Variants in GPC5 observed in about 807,000 individuals in gnomAD.
GPC5 encodes glypican 5.
GPC5 carries 47 observed loss-of-function variants against 53.9 expected under a neutral mutation model. The observed-to-expected ratio is 0.87, with a 90% CI of 0.69 to 1.11. The LOEUF (loss-of-function observed/expected upper bound fraction) is 1.11. GPC5 is among the 50% of genes most tolerant of loss of function. The pLI is 0.00. For synonymous variants in GPC5, 286 were observed against 263.3 expected (o/e 1.09, Z -0.84); for missense variants, 748 against 713.1 (o/e 1.05, Z -0.56).
chr13:91,520,604 G>A lies in GPC5; in HGVS notation c.325+71682G>A, dbSNP rs1055563684. 2.0e-4 allele frequency among the ~76,000 whole-genome samples: 30 copies of A among 151,892 alleles called. 1 individual carries two copies. In the South Asian group the frequency reaches 2.5e-3, roughly 13 times the overall value. On this transcript the variant is annotated intron_variant, in intron 2 of 7. Transcript: ENST00000377067. ...TGCCTTTATAGATTTCCAACTTGTCGCTTACTAGAATCCCATAAGATAATT... is the reference window on the plus strand; with the variant it reads ...TGCCTTTATAGATTTCCAACTTGTCACTTACTAGAATCCCATAAGATAATT...
intron 7 of GPC5, among the ~76,000 whole-genome samples, chr13:92,445,247 T>TC (rs1877752108): frequency 6.9e-6 from 1 of 144,270 alleles, no homozygotes; most frequent in African/African-American, 2.6e-5. Flanking sequence ...TTCCTTTCCT[T>TC]TCTCTCTCTC....
intron 6 of GPC5, among the ~76,000 whole-genome samples, chr13:92,046,955 C>CTTGT (rs1470119710): frequency 6.6e-6 from 1 of 152,142 alleles, no homozygotes; most frequent in Non-Finnish European, 1.5e-5. Flanking sequence ...AAGTAATATT[C>CTTGT]AAAAGCACTT....
At chr13:92,585,580 G>A (rs757366960) in intron 7 of GPC5, among the ~76,000 whole-genome samples, 2 of 152,144 alleles carry the variant, frequency 1.3e-5, no homozygotes, top group South Asian at 2.1e-4. Flanking sequence ...GAGTAATGCT[G>A]CAATGAGATA....
intron 7 of GPC5, among the ~76,000 whole-genome samples, chr13:92,426,627 T>C (rs989339460): frequency 5.9e-5 from 9 of 152,202 alleles, no homozygotes; most frequent in African/African-American, 2.2e-4. Context: ...CTTTCCCTGT[T>C]TTTAGAGTTC....
At chr13:92,413,856 C>T (rs1197261707) in intron 7 of GPC5, among the ~76,000 whole-genome samples, 1 of 152,144 alleles carries the variant, frequency 6.6e-6, no homozygotes, top group African/African-American at 2.4e-5. Context: ...ATAGGATGAA[C>T]ACTTAGGGCT....
chr13:92,236,472 T>C (rs1448079140), intron 7 of GPC5, among the ~76,000 whole-genome samples: 1 of 152,034 alleles, frequency 6.6e-6, no homozygotes, highest in Non-Finnish European at 1.5e-5. Flanking sequence ...GTAGAAAAAA[T>C]AGAAGAATAT....
chr13:91,940,445 CA>C (rs2039915796), intron 6 of GPC5, among the ~76,000 whole-genome samples: 2 of 152,046 alleles, frequency 1.3e-5, no homozygotes, highest in Non-Finnish European at 2.9e-5. Context: ...AATAGTGCTG[CA>C]ATGAATGTAT....
At chr13:92,162,878 C>A (rs1257294569) in intron 7 of GPC5, among the ~76,000 whole-genome samples, 2 of 152,102 alleles carry the variant, frequency 1.3e-5, no homozygotes, top group African/African-American at 4.8e-5. Flanking sequence ...CACCTGCTAA[C>A]TTTAGCACTT....
At chr13:92,764,135 G>A (rs935257075) in intron 7 of GPC5, among the ~76,000 whole-genome samples, 1 of 152,182 alleles carries the variant, frequency 6.6e-6, no homozygotes, top group African/African-American at 2.4e-5. Flanking sequence ...TTTCTAGAAG[G>A]CAATGTACTG....
intron 7 of GPC5, among the ~76,000 whole-genome samples, chr13:92,502,067 TAA>T (rs1654384325): frequency 6.6e-6 from 1 of 152,068 alleles, no homozygotes; most frequent in Non-Finnish European, 1.5e-5. Context: ...CATGATTCTT[TAA>T]AATGTTTGGT....
At chr13:92,743,606 G>A (rs1019766863) in intron 7 of GPC5, among the ~76,000 whole-genome samples, 7 of 152,122 alleles carry the variant, frequency 4.6e-5, no homozygotes, top group Admixed American at 4.6e-4. Flanking sequence ...GCCCTGGCCA[G>A]AACTTCCAAC....
At chr13:91,518,583 C>G (rs1181279959) in intron 2 of GPC5, among the ~76,000 whole-genome samples, 1 of 152,144 alleles carries the variant, frequency 6.6e-6, no homozygotes, top group Admixed American at 6.5e-5. Flanking sequence ...GATGGAGTCT[C>G]GCTCTGTCGC....
At chr13:92,797,857 A>C (rs893871096) in intron 7 of GPC5, among the ~76,000 whole-genome samples, 1 of 151,674 alleles carries the variant, frequency 6.6e-6, no homozygotes, top group African/African-American at 2.4e-5. Flanking sequence ...AGATAGATAG[A>C]TAGATAGATA....
At chr13:92,589,267 C>T (rs995424210) in intron 7 of GPC5, among the ~76,000 whole-genome samples, 2 of 152,164 alleles carry the variant, frequency 1.3e-5, no homozygotes, top group African/African-American at 4.8e-5. Flanking sequence ...TATTCCTTTT[C>T]TCCTGTTCTT....
chr13:92,670,329 AC>A (rs1382224582), intron 7 of GPC5, among the ~76,000 whole-genome samples: 1 of 152,204 alleles, frequency 6.6e-6, no homozygotes, highest in African/African-American at 2.4e-5. Context: ...GGGAAGTCCC[AC>A]AGAAACACAG....
intron 7 of GPC5, among the ~76,000 whole-genome samples, chr13:92,835,223 G>T (rs1336848854): frequency 6.6e-6 from 1 of 151,862 alleles, no homozygotes; most frequent in African/African-American, 2.4e-5. Flanking sequence ...GCATTAATAT[G>T]ATTTTATATA....
chr13:92,120,797 C>A (rs1462552104), intron 6 of GPC5, among the ~76,000 whole-genome samples: 2 of 152,066 alleles, frequency 1.3e-5, no homozygotes, highest in African/African-American at 4.8e-5. Flanking sequence ...AATCTGTAGT[C>A]CTTTCCCTTA....
At chr13:92,582,041 A>T (rs1359193432) in intron 7 of GPC5, among the ~76,000 whole-genome samples, 1 of 152,126 alleles carries the variant, frequency 6.6e-6, no homozygotes, top group Non-Finnish European at 1.5e-5. Flanking sequence ...GCTATGCAGA[A>T]GCTTTTTAGT....
At position 92,259,709 on chromosome 13, in the gene GPC5, A is replaced by G. The variant is rs2042751804; in HGVS notation, c.1561+114720A>G. On this transcript the variant is annotated intron_variant, in intron 7 of 7. Coordinates refer to ENST00000377067, the MANE Select transcript of GPC5 (RefSeq NM_004466.6). Reference sequence around the variant, plus strand: ...TGGACCTGGCAGGTGCTTGGAGCTGAGTTTTGCTCTTAGGAGGAACATGTG... The same window carrying G: ...TGGACCTGGCAGGTGCTTGGAGCTGGGTTTTGCTCTTAGGAGGAACATGTG... Among the ~76,000 whole-genome samples the G allele has an allele frequency of 3.3e-5, 5 of 152,264 alleles. No homozygotes were observed. In the South Asian group the frequency reaches 8.3e-4, roughly 25 times the overall value.
Sources: gnomAD v4.1 joint callset for allele counts (sites outside exome capture counted in the v4.1 genomes callset) on GRCh38, gnomAD v4.1.1 for gene constraint, MANE v1.5 for transcripts, NCBI Gene and HGNC (gene_info 2026-07-23, HGNC 2026-07-21) for gene names.